Variants in DLGAP2 observed in about 807,000 individuals in gnomAD.
The protein encoded by DLGAP2 is DLG associated protein 2.
DLGAP2 carries 26 observed loss-of-function variants against 100.3 expected under a neutral mutation model. The ratio of observed to expected loss-of-function variants is 0.26; its 90% CI spans 0.19 to 0.36. The LOEUF (loss-of-function observed/expected upper bound fraction) is 0.36, where lower values mean the gene tolerates loss of function less well. Among genes scored for constraint, DLGAP2 ranks in the 10% least tolerant of loss-of-function variants. The pLI, the probability that DLGAP2 is intolerant of heterozygous loss-of-function variation, is 1.00. For synonymous variants in DLGAP2, 886 were observed against 630.1 expected (o/e 1.41, Z -6.08); for missense variants, 1,858 against 1,453.2 (o/e 1.28, Z -4.53).
At chr8:1,268,951 A>G (rs375213348) in intron 3 of DLGAP2, among the ~76,000 whole-genome samples, 1 of 152,132 alleles carries the variant, frequency 6.6e-6, no homozygotes, top group Admixed American at 6.5e-5. Context: ...CCTCAGCTCT[A>G]TCTGCAGCTG....
chr8:1,511,053 G>T (rs1470135088), intron 4 of DLGAP2, among the ~76,000 whole-genome samples: 5 of 152,244 alleles, frequency 3.3e-5, no homozygotes, highest in African/African-American at 1.2e-4. Flanking sequence ...AGTTAGTTCA[G>T]CTTGAAACCT....
At position 1,678,520 on chromosome 8, in the gene DLGAP2, C is replaced by T. The variant is rs533022772; in HGVS notation, c.2595C>T (p.Arg865=). The change falls in exon 12 of 15, where the codon CGC becomes CGT. Residue 865 remains arginine, a synonymous_variant. Coordinates refer to ENST00000637795, the MANE Select transcript of DLGAP2 (RefSeq NM_001346810.2). ...TVETGRMSPC[R]RDGSWFLKLL... Reference sequence around the variant, plus strand: ...AGACTGGGAGGATGTCTCCGTGCCGCAGGGATGGCTCGTGGTTTTTGAAGC... The same window carrying T: ...AGACTGGGAGGATGTCTCCGTGCCGTAGGGATGGCTCGTGGTTTTTGAAGC... The T allele has an allele frequency of 1.9e-6, 3 of 1,607,180 alleles. No homozygotes were observed. Among genetic ancestry groups the T allele is most frequent in the Non-Finnish European group, 2.5e-6 (3 of 1,176,928 alleles).
intron 2 of DLGAP2, among the ~76,000 whole-genome samples, chr8:1,222,490 G>A (rs1422633041): frequency 2.6e-5 from 4 of 152,162 alleles, no homozygotes; most frequent in South Asian, 4.1e-4. Flanking sequence ...CACTGGTAAC[G>A]ACACTCCAGT....
chr8:1,254,747 C>A (rs1463690008), intron 2 of DLGAP2, among the ~76,000 whole-genome samples: 1 of 152,226 alleles, frequency 6.6e-6, no homozygotes, highest in East Asian at 1.9e-4. Context: ...TTTCGGGGGC[C>A]GAGTGAGTGT....
intron 3 of DLGAP2, among the ~76,000 whole-genome samples, chr8:1,440,985 C>A (rs995005952): frequency 6.6e-6 from 1 of 152,138 alleles, no homozygotes; most frequent in East Asian, 1.9e-4. Context: ...CCTCCCAGCA[C>A]GGGTTTTCCA....
At chr8:798,739 T>A in intron 1 of DLGAP2, among the ~76,000 whole-genome samples, 2 of 84,842 alleles carry the variant, frequency 2.4e-5, no homozygotes, top group East Asian at 8.1e-4. Context: ...TGCCTGCTTC[T>A]GTTGGCACTG....
At chr8:979,446 G>A (rs577797157) in intron 2 of DLGAP2, among the ~76,000 whole-genome samples, 12 of 152,210 alleles carry the variant, frequency 7.9e-5, no homozygotes, top group South Asian at 2.1e-4. Context: ...GTGACACAGT[G>A]ATCTTGTTCC....
intron 2 of DLGAP2, among the ~76,000 whole-genome samples, chr8:938,560 A>G (rs1424910996): frequency 2.6e-5 from 4 of 152,202 alleles, no homozygotes; most frequent in Admixed American, 6.5e-5. Context: ...CCAGCCTACA[A>G]GGGCCTCCCC....
chr8:1,599,832 C>T (rs1796570095), intron 6 of DLGAP2, among the ~76,000 whole-genome samples: 1 of 152,108 alleles, frequency 6.6e-6, no homozygotes, highest in Non-Finnish European at 1.5e-5. Context: ...TCCAATTTGC[C>T]AGTTTGTGTC....
chr8:862,500 T>C (rs577239145), intron 1 of DLGAP2, among the ~76,000 whole-genome samples: 1 of 152,234 alleles, frequency 6.6e-6, no homozygotes, highest in South Asian at 2.1e-4. Flanking sequence ...GACGGGATTT[T>C]GCCATGTTGG....
chr8:1,307,614 G>A (rs1263618070), intron 3 of DLGAP2, among the ~76,000 whole-genome samples: 6 of 152,192 alleles, frequency 3.9e-5, no homozygotes, highest in Non-Finnish European at 5.9e-5. Flanking sequence ...AGCAGCCCAC[G>A]TGTGCAATAG....
At chr8:881,904 C>G (rs1797805947) in intron 1 of DLGAP2, among the ~76,000 whole-genome samples, 1 of 152,044 alleles carries the variant, frequency 6.6e-6, no homozygotes, top group South Asian at 2.1e-4. Flanking sequence ...ATAAATTCTC[C>G]CACCCAATAT....
At chr8:861,377 A>G (rs1308605690) in intron 1 of DLGAP2, among the ~76,000 whole-genome samples, 2 of 152,084 alleles carry the variant, frequency 1.3e-5, no homozygotes, top group East Asian at 1.9e-4. Flanking sequence ...CTCCTCACAC[A>G]TACCGGGGAT....
intron 6 of DLGAP2, among the ~76,000 whole-genome samples, chr8:1,585,036 T>G (rs1013256721): frequency 1.0e-5 from 1 of 99,126 alleles, no homozygotes; most frequent in Non-Finnish European, 2.0e-5. Flanking sequence ...GTGCTTTACT[T>G]ATTCTTTTCT....
chr8:1,333,208 A>T (rs1486213990), intron 3 of DLGAP2, among the ~76,000 whole-genome samples: 1 of 152,026 alleles, frequency 6.6e-6, no homozygotes, highest in African/African-American at 2.4e-5. Flanking sequence ...CACATTACAG[A>T]GATGGAGGAA....
intron 12 of DLGAP2, among the ~76,000 whole-genome samples, chr8:1,682,554 A>G (rs1798979319): frequency 6.6e-6 from 1 of 151,676 alleles, no homozygotes; most frequent in African/African-American, 2.4e-5. Context: ...AGCTCACTGC[A>G]ACCTCAGCCT....
chr8:1,492,218 C>T (rs1799409541), intron 3 of DLGAP2, among the ~76,000 whole-genome samples: 1 of 152,196 alleles, frequency 6.6e-6, no homozygotes, highest in Non-Finnish European at 1.5e-5. Flanking sequence ...CATTAGTAAT[C>T]ATTACGGCAG....
At chr8:970,646 C>T (rs1799989557) in intron 2 of DLGAP2, among the ~76,000 whole-genome samples, 1 of 152,154 alleles carries the variant, frequency 6.6e-6, no homozygotes, top group Non-Finnish European at 1.5e-5. Flanking sequence ...TCTAAACTGT[C>T]TGAGAAATGG....
At chr8:891,950 G>A (rs1265026899) in intron 1 of DLGAP2, among the ~76,000 whole-genome samples, 1 of 152,236 alleles carries the variant, frequency 6.6e-6, no homozygotes, top group Admixed American at 6.5e-5. Context: ...ACAGAGCATG[G>A]AGGTGATGCT....
Sources: allele counts gnomAD v4.1 joint callset (sites outside exome capture counted in the v4.1 genomes callset), GRCh38; gene constraint gnomAD v4.1.1; transcripts MANE v1.5; gene names NCBI Gene and HGNC (gene_info 2026-07-23, HGNC 2026-07-21).